The following FGFR1OP2 variants were observed in gnomAD, a reference collection of about 807,000 sequenced individuals.
The protein encoded by FGFR1OP2 is FGFR1 oncogene partner 2, also known as fibroblast growth factor receptor 1 oncogene partner 2.
In FGFR1OP2, 17 loss-of-function variants were observed where a neutral mutation model predicts 35.2. That is an observed-to-expected ratio of 0.48 (90% CI 0.33 to 0.73). FGFR1OP2 has a LOEUF of 0.73. FGFR1OP2 is among the 30% of genes least tolerant of loss of function. FGFR1OP2 has a pLI of 0.02. For synonymous variants in FGFR1OP2, 105 were observed against 104.6 expected (o/e 1.00, Z -0.03); for missense variants, 251 against 307.3 (o/e 0.82, Z 1.37).
chr12:26,954,878 T>C (rs1195599568), intron 2 of FGFR1OP2, among the ~76,000 whole-genome samples: 1 of 152,180 alleles, frequency 6.6e-6, no homozygotes, highest in African/African-American at 2.4e-5. Context: ...ATTTTAACCT[T>C]CTTCTGATAA....
At chr12:26,963,014 C>T (rs1051513) in intron 5 of FGFR1OP2, 21,171 of 167,826 alleles carry the variant, frequency 0.13, 1,384 homozygotes, top group South Asian at 0.16. Flanking sequence ...TTATCATTCC[C>T]GTTACTTTGA....
chr12:26,939,755 C>T (rs922925923), intron 1 of FGFR1OP2, among the ~76,000 whole-genome samples: 6 of 152,178 alleles, frequency 3.9e-5, no homozygotes, highest in Non-Finnish European at 7.4e-5. Context: ...TGTCTGGAAT[C>T]ATGTCTTACT....
At chr12:26,939,985 T>G (rs1022335856) in intron 1 of FGFR1OP2, among the ~76,000 whole-genome samples, 1 of 152,234 alleles carries the variant, frequency 6.6e-6, no homozygotes, top group African/African-American at 2.4e-5. Flanking sequence ...ACACATGCAA[T>G]TGGACTTTTA....
At chr12:26,960,482 C>A in intron 4 of FGFR1OP2, 33 bp from the exon 5 acceptor site, 1 of 1,447,278 alleles carries the variant, frequency 6.9e-7, no homozygotes, top group Non-Finnish European at 9.6e-7. Flanking sequence ...CGGATGATAT[C>A]CGTATTAACA....
Position 26,965,022 on chromosome 12 carries a change from A to T in FGFR1OP2, c.*289A>T. 4.0e-6 allele frequency: 1 copy of T among 247,892 alleles called. No homozygotes were observed. Among genetic ancestry groups the T allele is most frequent in the Non-Finnish European group, 7.6e-6 (1 of 131,082 alleles). The allele number at this position is 247,892 out of a possible 1,614,324, so 15.4% of individuals were successfully genotyped here. On this transcript the variant is annotated 3_prime_UTR_variant, in exon 7 of 7. Transcript: ENST00000229395. ...GGCAGTACTGCTGGCTTTCTGGGTG[A>T]TTAATTAGGTAAACTTGAATATTCC... is the stretch of plus-strand genomic sequence containing the variant.
intron 1 of FGFR1OP2, among the ~76,000 whole-genome samples, chr12:26,953,382 G>T (rs1463754042): frequency 6.6e-6 from 1 of 151,358 alleles, no homozygotes; most frequent in African/African-American, 2.4e-5. Flanking sequence ...AATTTTGTTT[G>T]AGGTTTCTAC....
rs1355279787 is a variant in FGFR1OP2, at chr12:26,963,354, C to A, written c.523C>A (p.His175Asn). The change falls in exon 6 of 7, where the codon CAT becomes AAT. Residue 175 changes from histidine to asparagine, a missense_variant. By Grantham distance (68) the His-to-Asn change is moderately conservative. Coordinates refer to ENST00000229395, the MANE Select transcript of FGFR1OP2 (RefSeq NM_015633.3). ...CCCTCTTTTTCAGGAACTGCAAGCA[C>A]ATGTTGACCAGATAACTGAAATGGC... ...LEANQNELQA[H>N]VDQITEMAAV... is the part of the protein sequence containing the mutation. 3.7e-6 allele frequency: 6 copies of A among 1,606,564 alleles called. No homozygotes were observed. In the South Asian group the frequency reaches 6.7e-5, roughly 18 times the overall value.
chr12:26,950,758 G>A (rs2136352940), intron 1 of FGFR1OP2, among the ~76,000 whole-genome samples: 1 of 152,258 alleles, frequency 6.6e-6, no homozygotes, highest in East Asian at 1.9e-4. Flanking sequence ...TGATACTGCT[G>A]ATTTTTGTTT....
intron 1 of FGFR1OP2, among the ~76,000 whole-genome samples, chr12:26,953,124 C>CGTG (rs1938960828): frequency 1.3e-5 from 2 of 151,686 alleles, no homozygotes; most frequent in African/African-American, 2.4e-5. Flanking sequence ...ATGAGCCAGG[C>CGTG]GTGGTGGCAG....
rs1005817147 is a variant in FGFR1OP2, at chr12:26,965,479, T to C, written c.*746T>C. ...AGAATAAGTTTTGGTTCAAAGTCAATAATGAAGACGAGATTTGTTTTTCTC... is the reference window on the plus strand; with the variant it reads ...AGAATAAGTTTTGGTTCAAAGTCAACAATGAAGACGAGATTTGTTTTTCTC... On this transcript the variant is annotated 3_prime_UTR_variant, in exon 7 of 7. Transcript: ENST00000229395. 3.3e-5 allele frequency: 5 copies of C among 152,516 alleles called. No individual in the cohort carries two copies. The highest frequency in any genetic ancestry group is 1.2e-4 in the African/African-American group (5 of 41,444). 9.4% of individuals were successfully genotyped at this position (152,516 alleles called of 1,614,324 possible).
intron 4 of FGFR1OP2, among the ~76,000 whole-genome samples, chr12:26,958,248 C>T (rs1343207909): frequency 1.3e-5 from 2 of 152,172 alleles, no homozygotes; most frequent in Non-Finnish European, 2.9e-5. Flanking sequence ...GCAGTCCTAG[C>T]TTCTCAGGAG....
chr12:26,950,841 C>T (rs893700077), intron 1 of FGFR1OP2, among the ~76,000 whole-genome samples: 3 of 152,138 alleles, frequency 2.0e-5, no homozygotes, highest in South Asian at 2.1e-4. Context: ...TTGTTTTGGA[C>T]TTGAATACTT....
At chr12:26,957,859 G>T in intron 4 of FGFR1OP2, 116 bp downstream of exon 4, 1 of 762,902 alleles carries the variant, frequency 1.3e-6, no homozygotes, top group Admixed American at 3.5e-5. Context: ...TTAACATGAT[G>T]TTGAATGTTT....
At chr12:26,959,977 T>C (rs900747346) in intron 4 of FGFR1OP2, among the ~76,000 whole-genome samples, 1 of 151,928 alleles carries the variant, frequency 6.6e-6, no homozygotes, top group African/African-American at 2.4e-5. Context: ...GAGGGAACAA[T>C]ATTAACTGTC....
intron 5 of FGFR1OP2, chr12:26,962,624 G>A (rs1939119965): frequency 6.7e-6 from 1 of 149,952 alleles, no homozygotes; most frequent in South Asian, 2.1e-4. Flanking sequence ...TATTCCTGTT[G>A]TTTAGCATAG....
chr12:26,956,387 G>T (rs1939019502), intron 2 of FGFR1OP2, among the ~76,000 whole-genome samples, 156 bp from the exon 3 acceptor site: 1 of 150,844 alleles, frequency 6.6e-6, no homozygotes, highest in South Asian at 2.1e-4. Flanking sequence ...TCATTTTATT[G>T]TTGAGTTGTA....
At chr12:26,957,145 C>T (rs1206683642) in intron 3 of FGFR1OP2, among the ~76,000 whole-genome samples, 2 of 152,170 alleles carry the variant, frequency 1.3e-5, no homozygotes, top group Admixed American at 1.3e-4. Context: ...ACTTCCTAAA[C>T]ACGTCATCTG....
chr12:26,953,092 A>T (rs1012792369), intron 1 of FGFR1OP2, among the ~76,000 whole-genome samples: 1 of 151,422 alleles, frequency 6.6e-6, no homozygotes, highest in African/African-American at 2.4e-5. Flanking sequence ...GAAACCCCCG[A>T]CTCTACTAAA....
At position 26,960,628 on chromosome 12, in the gene FGFR1OP2, T is replaced by C. The variant is rs1272960430; in HGVS notation, c.510T>C (p.Asn170=). The change falls in exon 5 of 7, where the codon AAT becomes AAC. Residue 170 remains asparagine (N), a splice_region_variant and synonymous_variant. Coordinates refer to ENST00000229395, the MANE Select transcript of FGFR1OP2 (RefSeq NM_015633.3). ...GAAGGCACTTGGAAGCAAATCAGAA[T>C]GTACACTAAATAAACAGTCAACTTT... is the stretch of plus-strand genomic sequence containing the variant. ...LERRHLEANQ[N]ELQAHVDQIT... The C allele has an allele frequency of 1.9e-6, 3 of 1,612,114 alleles. No individual in the cohort carries two copies. The highest frequency in any genetic ancestry group is 2.5e-6 in the Non-Finnish European group (3 of 1,179,094).
Sources: allele counts gnomAD v4.1 joint callset (sites outside exome capture counted in the v4.1 genomes callset), GRCh38; gene constraint gnomAD v4.1.1; transcripts MANE v1.5; gene names NCBI Gene and HGNC (gene_info 2026-07-23, HGNC 2026-07-21).